The following ABCA10 variants were observed in gnomAD, a reference collection of about 807,000 sequenced individuals.
The protein encoded by ABCA10 is ATP binding cassette subfamily A member 10.
Under a neutral mutation model 187.5 loss-of-function variants are expected in ABCA10, and 169 were observed. The observed-to-expected ratio is 0.90, with a 90% CI of 0.80 to 1.02. The LOEUF (loss-of-function observed/expected upper bound fraction) is 1.02. Ranked by LOEUF, ABCA10 falls within the 50% of genes least tolerant of loss-of-function variation. The pLI is 0.00. For synonymous variants in ABCA10, 574 were observed against 601.8 expected, an observed-to-expected ratio of 0.95 and a Z score of 0.68; for missense variants, 1,727 against 1,812.4, an observed-to-expected ratio of 0.95 and a Z score of 0.86.
chr17:69,171,328 A>C (rs1381378780), intron 25 of ABCA10, among the ~76,000 whole-genome samples: 2 of 152,246 alleles, frequency 1.3e-5, no homozygotes, highest in Admixed American at 1.3e-4. Context: ...AACCAAAAAG[A>C]GTTTTGGAAA....
intron 10 of ABCA10, among the ~76,000 whole-genome samples, chr17:69,199,219 G>A (rs1184834945): frequency 6.6e-6 from 1 of 151,850 alleles, no homozygotes; most frequent in African/African-American, 2.4e-5. Flanking sequence ...CACTAGGTTG[G>A]ATGATCCTTC....
In ABCA10 at chr17:69,174,830, G is replaced by C. The variant is rs78782274; in HGVS notation, c.2878-53C>G. 4,784 of 1,421,210 alleles carry C rather than the reference G, an allele frequency of 3.4e-3. 117 individuals are homozygous for C. In the African/African-American group the frequency reaches 0.06, roughly 18 times the overall value. The allele number at this position is 1,421,210 out of a possible 1,614,324, so 88.0% of individuals were successfully genotyped here. Reference sequence around the variant, plus strand: ...AGGGATCTTAGTTTGAAAAGATTTTGTGGTTATGTAAAAAAAATTGTTTAA... The same window carrying C: ...AGGGATCTTAGTTTGAAAAGATTTTCTGGTTATGTAAAAAAAATTGTTTAA... On this transcript the variant is annotated intron_variant, in intron 23 of 38. Transcript: ENST00000690296.
At chr17:69,157,821 T>A (rs552172163) in intron 27 of ABCA10, among the ~76,000 whole-genome samples, 4 of 151,466 alleles carry the variant, frequency 2.6e-5, no homozygotes, top group Admixed American at 2.0e-4. Flanking sequence ...AAAAAAAAAA[T>A]GAATTTTAGA....
At position 69,157,528 on chromosome 17, in the gene ABCA10, G is replaced by T. The variant is rs187795231; in HGVS notation, c.3364-605C>A. On this transcript the variant is annotated intron_variant, in intron 27 of 38. Transcript: ENST00000690296. ...GGAAATACAAGCCAGCTTTTACACA[G>T]ACTTGGAGCCCAAATTCACATCGCT... 5.9e-5 allele frequency among the ~76,000 whole-genome samples: 9 copies of T among 152,276 alleles called. No homozygotes were observed. In the East Asian group the frequency reaches 1.7e-3, roughly 29 times the overall value.
intron 6 of ABCA10, among the ~76,000 whole-genome samples, chr17:69,217,270 T>C (rs1476558562): frequency 6.6e-6 from 1 of 150,524 alleles, no homozygotes; most frequent in Non-Finnish European, 1.5e-5. Flanking sequence ...AAAAAAAAGG[T>C]ATCATGATGA....
rs1791352751 is a variant in ABCA10 at position 69,153,988 on chromosome 17, C to T, written c.3808G>A (p.Ala1270Thr). The part of the protein sequence containing the change: ...AGVVVLQGSR[A>T]SVRQQHDNSL... ...TTGTCATGCTGTTGCCTTACTGATG[C>T]TCTGCTGCCTTGTAACACCACCTGC... The change falls in exon 32 of 39, where the codon GCA becomes ACA. Residue 1270 changes from alanine to threonine, a missense_variant. Physicochemically the swap from Ala to Thr is moderately conservative, Grantham distance 58. Coordinates refer to ENST00000690296, the MANE Select transcript of ABCA10 (RefSeq NM_001377321.1). 1 of 1,613,658 alleles carries T rather than the reference C, an allele frequency of 6.2e-7. No individual in the cohort carries two copies. The highest frequency in any genetic ancestry group is 1.3e-5 in the African/African-American group (1 of 74,894).
intron 30 of ABCA10, 43 bp from the exon 31 acceptor site, chr17:69,154,369 G>A (rs1303031036): frequency 2.1e-6 from 3 of 1,416,668 alleles, no homozygotes; most frequent in Non-Finnish European, 2.9e-6. Flanking sequence ...TTTCAAGGTT[G>A]ACTAATCTAA....
At chr17:69,205,406 C>T (rs2074583738) in intron 9 of ABCA10, among the ~76,000 whole-genome samples, 1 of 152,202 alleles carries the variant, frequency 6.6e-6, no homozygotes, top group South Asian at 2.1e-4. Flanking sequence ...ATTTATTGAG[C>T]ATCTACTAGG....
chr17:69,183,914 G>A (rs969130005), intron 20 of ABCA10, among the ~76,000 whole-genome samples: 4 of 152,160 alleles, frequency 2.6e-5, no homozygotes, highest in African/African-American at 7.2e-5. Context: ...GCCATGGCAG[G>A]GGGAAGGCAC....
At position 69,163,513 on chromosome 17, in the gene ABCA10, C is replaced by A. The variant is rs1464612060; in HGVS notation, c.3363+561G>T. ...AAATATACATTCATTATACAAAGAC[C>A]CAGGTAAAAATGTATAAAAGTTTAT... On this transcript the variant is annotated intron_variant, in intron 27 of 38. Coordinates refer to ENST00000690296, the MANE Select transcript of ABCA10 (RefSeq NM_001377321.1). Among the ~76,000 whole-genome samples the A allele has an allele frequency of 2.0e-5, 3 of 151,938 alleles. No individual in the cohort carries two copies. In the East Asian group the frequency reaches 5.8e-4, roughly 29 times the overall value.
In ABCA10 at chr17:69,187,733, C is replaced by T. The variant is rs763341924; in HGVS notation, c.2278G>A (p.Ala760Thr). 49 of 1,613,726 alleles carry T rather than the reference C, an allele frequency of 3.0e-5. No individual in the cohort carries two copies. In the South Asian group the frequency reaches 4.4e-4, roughly 14 times the overall value. The change falls in exon 19 of 39, where the codon GCA becomes ACA. Residue 760 changes from alanine to threonine, a missense_variant. Ala to Thr is a moderately conservative substitution (Grantham distance 58). Coordinates refer to ENST00000690296, the MANE Select transcript of ABCA10 (RefSeq NM_001377321.1). ...CTTAACTTTAAGAAGCGAAGTGTTG[C>T]CACTGCATAGATTTGTCGTCTCCAG... ...ALWRRQIYAV[A>T]TLRFLKLRRE...
At position 69,152,145 on chromosome 17, in the gene ABCA10, C is replaced by A; in HGVS notation, c.4295G>T (p.Gly1432Val). Residue 1432 changes from glycine to valine, a missense_variant, in exon 36 of 39, where the codon GGT becomes GTT. Coordinates refer to ENST00000690296, the MANE Select transcript of ABCA10 (RefSeq NM_001377321.1). Reference sequence around the variant, plus strand: ...TTTTATTTCTAGTAAATAATCTCTACCAAACTTGTTTTTCAGATGTTGAAT... The same window carrying A: ...TTTTATTTCTAGTAAATAATCTCTAACAAACTTGTTTTTCAGATGTTGAAT... ...GSIQHLKNKF[G>V]RDYLLEIKMK... The A allele has an allele frequency of 6.2e-7, 1 of 1,613,524 alleles. No homozygotes were observed. The highest frequency in any genetic ancestry group is 8.5e-7 in the Non-Finnish European group (1 of 1,179,846).
intron 27 of ABCA10, among the ~76,000 whole-genome samples, chr17:69,161,475 G>T (rs942718039): frequency 1.3e-5 from 2 of 152,168 alleles, no homozygotes; most frequent in African/African-American, 4.8e-5. Flanking sequence ...TACCACCACA[G>T]GTCACTGACT....
rs535709995 is a variant in ABCA10, at chr17:69,180,783, T to C, written c.2769+1370A>G. 1.2e-3 allele frequency among the ~76,000 whole-genome samples: 179 copies of C among 152,332 alleles called. 1 individual carries two copies. The highest frequency in any genetic ancestry group is 2.3e-3 in the Admixed American group (35 of 15,294). On this transcript the variant is annotated intron_variant, in intron 22 of 38. Transcript: ENST00000690296. ...ATCTCATTCGCAGAAAACTAGAGTT[T>C]GCATTATATGGTATTAATTTCTTAT...
intron 27 of ABCA10, among the ~76,000 whole-genome samples, chr17:69,163,265 A>G (rs999422054): frequency 1.3e-5 from 2 of 152,180 alleles, no homozygotes; most frequent in Admixed American, 1.3e-4. Context: ...AGGGGTGTCA[A>G]AAAGCACAGC....
chr17:69,179,300 G>A (rs752364072), intron 22 of ABCA10, among the ~76,000 whole-genome samples: 20 of 152,064 alleles, frequency 1.3e-4, no homozygotes, highest in Non-Finnish European at 1.9e-4. Flanking sequence ...AATCAACAAC[G>A]AATGTATTTG....
At chr17:69,170,010 G>A (rs2215149) in intron 25 of ABCA10, among the ~76,000 whole-genome samples, 84,918 of 151,848 alleles carry the variant, frequency 0.56, 25,248 homozygotes, top group Non-Finnish European at 0.67. Flanking sequence ...TTTTCTGGCC[G>A]GGCACGGTGG....
intron 3 of ABCA10, chr17:69,223,836 G>A (rs1391583719): frequency 3.8e-6 from 1 of 263,654 alleles, no homozygotes; most frequent in Non-Finnish European, 7.6e-6. Context: ...CATGGTAGCT[G>A]GAATGAGATA....
chr17:69,170,012 G>T (rs1017664599), intron 25 of ABCA10, among the ~76,000 whole-genome samples: 2 of 152,084 alleles, frequency 1.3e-5, no homozygotes, highest in African/African-American at 4.8e-5. Flanking sequence ...TTCTGGCCGG[G>T]CACGGTGGTT....
Sources: allele counts gnomAD v4.1 joint callset (sites outside exome capture counted in the v4.1 genomes callset), GRCh38; gene constraint gnomAD v4.1.1; transcripts MANE v1.5; gene names NCBI Gene and HGNC (gene_info 2026-07-23, HGNC 2026-07-21).